XPOT: variants seen among roughly 807,000 people sequenced by gnomAD.
XPOT encodes exportin-T.
A neutral mutation model predicts 128.2 loss-of-function variants in XPOT; 34 were observed. That is an observed-to-expected ratio of 0.27 (90% CI 0.20 to 0.35). XPOT has a LOEUF of 0.35. XPOT is among the 10% of genes least tolerant of loss of function. The pLI, the probability that XPOT is intolerant of heterozygous loss-of-function variation, is 1.00. For synonymous variants in XPOT, 348 were observed against 394.3 expected (o/e 0.88, Z 1.39); for missense variants, 838 against 1,125.3 (o/e 0.74, Z 3.65).
intron 17 of XPOT, among the ~76,000 whole-genome samples, chr12:64,430,685 C>T (rs931406605): frequency 7.9e-5 from 12 of 151,988 alleles, no homozygotes; most frequent in African/African-American, 2.4e-4. Context: ...CTGTTTTTTC[C>T]GCCTCTAGCC....
chr12:64,405,191 G>C (rs930692555), intron 1 of XPOT: 1 of 152,364 alleles, frequency 6.6e-6, no homozygotes, highest in African/African-American at 2.4e-5. Context: ...CCTCAAACTT[G>C]ATTCTTCCCC....
Position 64,425,178 on chromosome 12 carries a change from G to T in XPOT, c.1448G>T (p.Arg483Leu). The change falls in exon 13 of 25, where the codon CGA (arginine) becomes CTA (leucine). Residue 483 changes from arginine (R) to leucine (L), a missense_variant. This residue lies in a region of XPOT where 761 missense variants were observed against 988.3 expected (regional missense o/e 0.77). Coordinates refer to ENST00000332707, the MANE Select transcript of XPOT (RefSeq NM_007235.6). ...SKASALQDMM[R>L]TLVTSGVSSY... Reference sequence around the variant, plus strand: ...GCTAGTGCTTTGCAGGATATGATGCGAACTGTAAGTATACTGGAGATAATT... The same window carrying T: ...GCTAGTGCTTTGCAGGATATGATGCTAACTGTAAGTATACTGGAGATAATT... The T allele has an allele frequency of 1.2e-6, 2 of 1,613,982 alleles. No individual in the cohort carries two copies. The highest frequency in any genetic ancestry group is 4.5e-5 in the East Asian group (2 of 44,874).
Position 64,448,161 on chromosome 12 carries a change from A to G in XPOT, c.*30A>G. ...TGGATTTCCCTGTGCCTACTTCATG[A>G]TCATGAATTCCAGTTAATTTATAAA... is the stretch of plus-strand genomic sequence containing the variant. On this transcript the variant is annotated 3_prime_UTR_variant, in exon 25 of 25. Transcript: ENST00000332707. The G allele has an allele frequency of 1.2e-6, 2 of 1,611,986 alleles. No homozygotes were observed. The highest frequency in any genetic ancestry group is 1.7e-6 in the Non-Finnish European group (2 of 1,178,168).
chr12:64,448,309 CA>C lies in XPOT; in HGVS notation c.*182del, dbSNP rs2040381570. ...TTTTCCTAATACAGGTATGTAACAA[CA>C]AAAGAAGTTGCCTGCATGCCGGTCC... On this transcript the variant is annotated 3_prime_UTR_variant, in exon 25 of 25. Coordinates refer to ENST00000332707, the MANE Select transcript of XPOT (RefSeq NM_007235.6). 4 of 618,564 alleles carry C rather than the reference CA, an allele frequency of 6.5e-6. No homozygotes were observed. The highest frequency in any genetic ancestry group is 3.7e-5 in the African/African-American group (2 of 54,284). 38.3% of individuals were successfully genotyped at this position (618,564 alleles called of 1,614,324 possible). A position where few individuals can be genotyped will look rare whatever the true frequency, so the allele number is the denominator to read the frequency against.
chr12:64,410,498 T>C (rs1224721963), intron 2 of XPOT, among the ~76,000 whole-genome samples: 1 of 152,200 alleles, frequency 6.6e-6, no homozygotes, highest in Non-Finnish European at 1.5e-5. Flanking sequence ...TATTTTAATT[T>C]TTTTCTAGAG....
At chr12:64,423,635 G>A (rs907391173) in intron 11 of XPOT, among the ~76,000 whole-genome samples, 106 of 152,156 alleles carry the variant, frequency 7.0e-4, no homozygotes, top group African/African-American at 2.4e-3. Context: ...TGTATTTTTA[G>A]TAGAGACGGG....
intron 9 of XPOT, 50 bp downstream of exon 9, chr12:64,421,521 A>G (rs752158769): frequency 7.8e-7 from 1 of 1,281,390 alleles, no homozygotes; most frequent in East Asian, 2.3e-5. Context: ...CAAAGGAGCC[A>G]TGGAGAAGTG....
At position 64,424,714 on chromosome 12, in the gene XPOT, C is replaced by G; in HGVS notation, c.1298C>G (p.Ser433Cys). 2 of 1,613,780 alleles carry G rather than the reference C, an allele frequency of 1.2e-6. No individual in the cohort carries two copies. Among genetic ancestry groups the G allele is most frequent in the Non-Finnish European group, 1.7e-6 (2 of 1,179,956 alleles). Reference sequence around the variant, plus strand: ...GCCTCTGTTCGCAGAGTTTTTAGTTCTACACTGCAGTAAGTTTGTCATTAC... The same window carrying G: ...GCCTCTGTTCGCAGAGTTTTTAGTTGTACACTGCAGTAAGTTTGTCATTAC... ...LLASVRRVFS[S>C]TLQNWQTTRF... Residue 433 changes from serine to cysteine, a missense_variant, in exon 12 of 25, where the codon TCT (serine) becomes TGT (cysteine). This residue lies in a region of XPOT where 761 missense variants were observed against 988.3 expected (regional missense o/e 0.77). Coordinates refer to ENST00000332707, the MANE Select transcript of XPOT (RefSeq NM_007235.6).
chr12:64,426,976 T>A (rs768374495), intron 15 of XPOT, among the ~76,000 whole-genome samples: 6 of 151,784 alleles, frequency 4.0e-5, no homozygotes, highest in Non-Finnish European at 8.8e-5. Context: ...AGAGTGAAAC[T>A]CTGTCTCAAA....
At chr12:64,430,017 A>G in intron 16 of XPOT, 32 bp from the exon 17 acceptor site, 2 of 1,516,390 alleles carry the variant, frequency 1.3e-6, no homozygotes, top group South Asian at 1.4e-5. Context: ...CTCAAAAAAT[A>G]AAAGCTTTAA....
intron 4 of XPOT, 64 bp downstream of exon 4, chr12:64,416,818 T>C: frequency 7.3e-7 from 1 of 1,378,276 alleles, no homozygotes; most frequent in Non-Finnish European, 1.0e-6. Flanking sequence ...TAATTTAATG[T>C]TTTTCTTCCA....
chr12:64,448,052 G>C, intron 24 of XPOT, 53 bp from the exon 25 acceptor site: 1 of 1,535,746 alleles, frequency 6.5e-7, no homozygotes, highest in Non-Finnish European at 9.0e-7. Flanking sequence ...TTCTTCAGGT[G>C]AAAGTGATAT....
chr12:64,415,991 T>A (rs1053490156), intron 3 of XPOT, among the ~76,000 whole-genome samples: 2 of 152,222 alleles, frequency 1.3e-5, no homozygotes, highest in Non-Finnish European at 2.9e-5. Flanking sequence ...TTCAACTAAC[T>A]TTTTACGGAA....
At chr12:64,422,069 C>T (rs752105057) in intron 9 of XPOT, among the ~76,000 whole-genome samples, 1 of 152,202 alleles carries the variant, frequency 6.6e-6, no homozygotes, top group African/African-American at 2.4e-5. Flanking sequence ...CACAGCCTCC[C>T]AAAGTGCTGG....
rs569507800 is a variant in XPOT, at chr12:64,426,227, A to C, written c.1667+318A>C. Among the ~76,000 whole-genome samples the C allele has an allele frequency of 3.0e-4, 46 of 151,596 alleles. No individual in the cohort carries two copies. The South Asian group carries it at 7.9e-3, about 26-fold the overall frequency. On this transcript the variant is annotated intron_variant, in intron 15 of 24. Coordinates refer to ENST00000332707, the MANE Select transcript of XPOT (RefSeq NM_007235.6). The stretch of plus-strand genomic sequence containing the variant: ...GAGGCTGAGGCAGGAGAATCGCTTG[A>C]ACCTGGGAGGTGGAGGTTGCAGTGA...
intron 8 of XPOT, 58 bp from the exon 9 acceptor site, chr12:64,421,177 T>C (rs1456372305): frequency 1.3e-5 from 17 of 1,268,746 alleles, no homozygotes; most frequent in Non-Finnish European, 1.9e-5. Flanking sequence ...AAAGTTCAGT[T>C]TTTCCTCTTA....
intron 23 of XPOT, among the ~76,000 whole-genome samples, chr12:64,441,871 T>G (rs903953963): frequency 6.6e-6 from 1 of 151,690 alleles, no homozygotes; most frequent in African/African-American, 2.4e-5. Context: ...GTTTTTGCTT[T>G]TTTTTTTAGT....
Position 64,431,539 on chromosome 12 carries a change from C to T in XPOT, c.1978C>T (p.Arg660Ter). The change falls in exon 18 of 25, where the codon CGA (arginine) becomes TGA (stop). Residue 660 changes from arginine (R) to a stop codon, truncating the protein, a stop_gained and splice_region_variant. Transcript: ENST00000332707. LOFTEE classifies it high-confidence loss of function. ...CLNHAVGFAS[R>*]TSKAFSNKQT... ...ATTGCCTGATTTTTGCTTATATAGT[C>T]GAACCAGTAAAGCTTTCAGCAACAA... The T allele has an allele frequency of 6.2e-7, 1 of 1,611,862 alleles. No individual in the cohort carries two copies. The highest frequency in any genetic ancestry group is 8.5e-7 in the Non-Finnish European group (1 of 1,178,202).
intron 23 of XPOT, among the ~76,000 whole-genome samples, chr12:64,442,081 G>A (rs988439629): frequency 6.7e-6 from 1 of 149,944 alleles, no homozygotes; most frequent in Admixed American, 6.6e-5. Context: ...GTGTAAAGTG[G>A]GGGGGGGACC....
Sources: allele counts gnomAD v4.1 joint callset (sites outside exome capture counted in the v4.1 genomes callset), GRCh38; gene constraint gnomAD v4.1.1; regional missense constraint gnomAD v4.1.1; transcripts MANE v1.5; gene names NCBI Gene and HGNC (gene_info 2026-07-23, HGNC 2026-07-21).